The following ATF6B variants were observed in gnomAD, a reference collection of about 807,000 sequenced individuals.
The protein encoded by ATF6B is cyclic AMP-dependent transcription factor ATF-6 beta.
A neutral mutation model predicts 83.5 loss-of-function variants in ATF6B; 50 were observed. The ratio of observed to expected loss-of-function variants is 0.60; its 90% CI spans 0.48 to 0.76. The LOEUF (loss-of-function observed/expected upper bound fraction) is 0.76. Among genes scored for constraint, ATF6B ranks in the 30% least tolerant of loss-of-function variants. The pLI is 0.00. For missense variants in ATF6B, 790 were observed against 893.8 expected, an observed-to-expected ratio of 0.88 and a Z score of 1.48; for synonymous variants, 344 against 362.8, an observed-to-expected ratio of 0.95 and a Z score of 0.59.
Position 32,117,498 on chromosome 6 carries a change from T to C in ATF6B, c.1532+89A>G. 1 of 1,592,036 alleles carries C rather than the reference T, an allele frequency of 6.3e-7. No homozygotes were observed. The highest frequency in any genetic ancestry group is 8.6e-7 in the Non-Finnish European group (1 of 1,164,878). Reference sequence around the variant, plus strand: ...GGAGTGAGGAGAGGGCAGGGAGCACTGGCGCTTTAGTACACAGGCCAGCCA... The same window carrying C: ...GGAGTGAGGAGAGGGCAGGGAGCACCGGCGCTTTAGTACACAGGCCAGCCA... On this transcript the variant is annotated intron_variant, in intron 13 of 17. Transcript: ENST00000375203. This position sits in a 1 kb window ranked among gnomAD's most constrained non-coding sequence, Gnocchi z 5.0.
Position 32,119,999 on chromosome 6 carries a change from G to A in ATF6B, c.833-42C>T, listed in dbSNP as rs1781691909. On this transcript the variant is annotated intron_variant, in intron 8 of 17. Coordinates refer to ENST00000375203, the MANE Select transcript of ATF6B (RefSeq NM_004381.5). This position sits in a 1 kb window ranked among gnomAD's most constrained non-coding sequence, Gnocchi z 4.9. Reference sequence around the variant, plus strand: ...GAGGTCAGAGGGCTGTGCGCTGGGTGGGGTCCTTGTGTCCACACCCACACA... The same window carrying A: ...GAGGTCAGAGGGCTGTGCGCTGGGTAGGGTCCTTGTGTCCACACCCACACA... 6.3e-7 allele frequency: 1 copy of A among 1,590,882 alleles called. No individual in the cohort carries two copies. The highest frequency in any genetic ancestry group is 1.3e-5 in the African/African-American group (1 of 74,574).
At position 32,119,019 on chromosome 6, in the gene ATF6B, G is replaced by C; in HGVS notation, c.1089C>G (p.Asp363Glu). The change falls in exon 10 of 18, where the codon GAC (aspartate) becomes GAG (glutamate). Residue 363 changes from aspartate to glutamate, a missense_variant. Physicochemically the swap from Asp to Glu is conservative, Grantham distance 45. This residue lies in a region of ATF6B where 530 missense variants were observed against 632.6 expected (regional missense o/e 0.84). Transcript: ENST00000375203. The surrounding 1 kb of genome is among the most constrained non-coding windows in gnomAD (Gnocchi z 4.9). ...LEARLQAVLA[D>E]NQQLRRENAA... is the part of the protein sequence containing the mutation. ...CATTCTCTCGGCGGAGCTGCTGGTT[G>C]TCAGCCAGTACTGCTTGCAGCCGAG... 6.2e-7 allele frequency: 1 copy of C among 1,614,152 alleles called. No homozygotes were observed.
intron 5 of ATF6B, among the ~76,000 whole-genome samples, chr6:32,123,164 G>A (rs1476657520): frequency 6.8e-6 from 1 of 147,056 alleles, no homozygotes; most frequent in Non-Finnish European, 1.5e-5. Context: ...GGAAACGGAG[G>A]TTGCAGTGAG....
chr6:32,127,500 G>C lies in ATF6B; in HGVS notation c.192C>G (p.Asp64Glu). 2 of 1,613,494 alleles carry C rather than the reference G, an allele frequency of 1.2e-6. No individual in the cohort carries two copies. Among genetic ancestry groups the C allele is most frequent in the Non-Finnish European group, 1.7e-6 (2 of 1,179,600 alleles). ...CAGAGGGGCTGACATCCATCCCCAC[G>C]TCCAGGGAGCTGCCGTCAAACTAAA... ...QDVPFDGSSL[D>E]VGMDVSPSEP... The change falls in exon 3 of 18, where the codon GAC (aspartate) becomes GAG (glutamate). Residue 64 changes from aspartate (D) to glutamate (E), a missense_variant. This residue lies in a region of ATF6B where 253 missense variants were observed against 243.1 expected (regional missense o/e 1.04). Coordinates refer to ENST00000375203, the MANE Select transcript of ATF6B (RefSeq NM_004381.5).
In ATF6B at chr6:32,115,775, C is replaced by T; in HGVS notation, c.2076G>A (p.Gln692=). Residue 692 remains glutamine, a synonymous_variant, in exon 18 of 18, where the codon CAG becomes CAA. Coordinates refer to ENST00000375203, the MANE Select transcript of ATF6B (RefSeq NM_004381.5). ...TGAGGTAGAGGGGCTGGTGGGAGGCCTGGTGGGCCTGGCTGGCTGCAGAGA... is the reference window on the plus strand; with the variant it reads ...TGAGGTAGAGGGGCTGGTGGGAGGCTTGGTGGGCCTGGCTGGCTGCAGAGA... ...LPVSAASQAH[Q]ASHQPLYLNH... is the part of the protein sequence containing the mutation. The T allele has an allele frequency of 6.2e-7, 1 of 1,610,948 alleles. No individual in the cohort carries two copies. Among genetic ancestry groups the T allele is most frequent in the Non-Finnish European group, 8.5e-7 (1 of 1,178,394 alleles).
chr6:32,121,395 G>A lies in ATF6B; in HGVS notation c.479-47C>T, dbSNP rs753773627. 6 of 1,557,784 alleles carry A rather than the reference G, an allele frequency of 3.9e-6. No individual in the cohort carries two copies. In the South Asian group the frequency reaches 5.6e-5, roughly 15 times the overall value. On this transcript the variant is annotated intron_variant, in intron 5 of 17. Coordinates refer to ENST00000375203, the MANE Select transcript of ATF6B (RefSeq NM_004381.5). ...AAAAGCTGGATATCATGTAAACACT[G>A]AAGGGTTAAGAGGGTTAAGATGGGA...
At position 32,119,185 on chromosome 6, in the gene ATF6B, AGAAG is replaced by A. The variant is rs1781656488; in HGVS notation, c.967-48_967-45del. 5.1e-6 allele frequency: 8 copies of A among 1,565,976 alleles called. No homozygotes were observed. The highest frequency in any genetic ancestry group is 2.0e-5 in the Admixed American group (1 of 50,892). Reference sequence around the variant, plus strand: ...AAAAAAGAATGACAGATGAGTTGGCAGAAGGAGACTATGCTCTCAAACCCCAAGG... The same window carrying A: ...AAAAAAGAATGACAGATGAGTTGGCAGAGACTATGCTCTCAAACCCCAAGG... On this transcript the variant is annotated intron_variant, in intron 9 of 17. Transcript: ENST00000375203. The surrounding 1 kb of genome is among the most constrained non-coding windows in gnomAD (Gnocchi z 4.9).
Position 32,117,562 on chromosome 6 carries a change from G to C in ATF6B, c.1532+25C>G, listed in dbSNP as rs756559160. 21 of 1,611,104 alleles carry C rather than the reference G, an allele frequency of 1.3e-5. No individual in the cohort carries two copies. Among genetic ancestry groups the C allele is most frequent in the Non-Finnish European group, 1.8e-5 (21 of 1,177,946 alleles). On this transcript the variant is annotated intron_variant, in intron 13 of 17. Coordinates refer to ENST00000375203, the MANE Select transcript of ATF6B (RefSeq NM_004381.5). The surrounding 1 kb of genome is among the most constrained non-coding windows in gnomAD (Gnocchi z 5.0). ...AGGCCTTGGGAGGCCGGGGGAGCTG[G>C]ATGCCCCAGCAATGAATCCCACACC...
Position 32,119,049 on chromosome 6 carries a change from C to G in ATF6B, c.1059G>C (p.Leu353=), listed in dbSNP as rs1781648023. ...CCAGTACTGCTTGCAGCCGAGCCTC[C>G]AGTCCCTGCAGATACTCTTTCTTCT... is the stretch of plus-strand genomic sequence containing the variant. ...RRKKKEYLQG[L]EARLQAVLAD... The change falls in exon 10 of 18, where the codon CTG becomes CTC. Residue 353 remains leucine, a synonymous_variant. Coordinates refer to ENST00000375203, the MANE Select transcript of ATF6B (RefSeq NM_004381.5). This position sits in a 1 kb window ranked among gnomAD's most constrained non-coding sequence, Gnocchi z 4.9. 2 of 1,614,094 alleles carry G rather than the reference C, an allele frequency of 1.2e-6. No individual in the cohort carries two copies.
intron 5 of ATF6B, 68 bp downstream of exon 5, chr6:32,126,041 CTACACACA>C (rs1781958973): frequency 6.4e-7 from 1 of 1,566,588 alleles, no homozygotes; most frequent in Admixed American, 1.7e-5. Context: ...TCCCCTCCAT[CTACACACA>C]TACACACACA....
rs776625817 is a variant in ATF6B at position 32,119,924 on chromosome 6, C to T, written c.866G>A (p.Arg289Gln). Reference protein sequence around the residue: ...SPVVLIQGAIRVQPEGPAPSL... With the variant: ...SPVVLIQGAIQVQPEGPAPSL... ...GGGAGCCGGCCCTTCAGGCTGGACT[C>T]GAATAGCACCCTGGATGAGGACAAC... The change falls in exon 9 of 18, where the codon CGA becomes CAA. Residue 289 changes from arginine (R) to glutamine (Q), a missense_variant. By Grantham distance (43) the Arg-to-Gln change is conservative. Coordinates refer to ENST00000375203, the MANE Select transcript of ATF6B (RefSeq NM_004381.5). The surrounding 1 kb of genome is among the most constrained non-coding windows in gnomAD (Gnocchi z 4.9). 1.9e-5 allele frequency: 30 copies of T among 1,613,974 alleles called. No individual in the cohort carries two copies. The highest frequency in any genetic ancestry group is 2.3e-5 in the Non-Finnish European group (27 of 1,180,018).
At chr6:32,127,922 AC>A (rs2127350006) in intron 1 of ATF6B, among the ~76,000 whole-genome samples, 172 bp from the exon 2 acceptor site, 1 of 151,684 alleles carries the variant, frequency 6.6e-6, no homozygotes, top group South Asian at 2.1e-4. Context: ...CCCCGGAACA[AC>A]TCGACGTTCC....
rs1781689365 is a variant in ATF6B at position 32,119,953 on chromosome 6, G to A, written c.837C>T (p.Ser279=). ...TAGCACCCTGGATGAGGACAACTGG[G>A]GACACTGGGGCAAGTGAGCAGAGGT... ...LQSLVQPPPV[S]PVVLIQGAIR... Residue 279 remains serine, a synonymous_variant, in exon 9 of 18, where the codon TCC becomes TCT. Coordinates refer to ENST00000375203, the MANE Select transcript of ATF6B (RefSeq NM_004381.5). The surrounding 1 kb of genome is among the most constrained non-coding windows in gnomAD (Gnocchi z 4.9). 1.2e-6 allele frequency: 2 copies of A among 1,613,986 alleles called. No homozygotes were observed. Among genetic ancestry groups the A allele is most frequent in the Non-Finnish European group, 1.7e-6 (2 of 1,179,902 alleles).
rs141187406 is a variant in ATF6B, at chr6:32,117,357, C to T, written c.1580G>A (p.Arg527Gln). 29 of 1,613,974 alleles carry T rather than the reference C, an allele frequency of 1.8e-5. No individual in the cohort carries two copies. The highest frequency in any genetic ancestry group is 1.3e-4 in the African/African-American group (10 of 74,912). ...SGWVQRHQRG[R>Q]RKIPQRAQER... The stretch of plus-strand genomic sequence containing the variant: ...CTGGGCCCTCTGAGGGATCTTCCTC[C>T]GGCCTCTCTGGTGGCGCTGGACCCA... Residue 527 changes from arginine (R) to glutamine (Q), a missense_variant, in exon 14 of 18, where the codon CGG (arginine) becomes CAG (glutamine). This residue lies in a region of ATF6B where 530 missense variants were observed against 632.6 expected (regional missense o/e 0.84). Coordinates refer to ENST00000375203, the MANE Select transcript of ATF6B (RefSeq NM_004381.5). This position sits in a 1 kb window ranked among gnomAD's most constrained non-coding sequence, Gnocchi z 5.0.
rs1292454362 is a variant in ATF6B at position 32,118,834 on chromosome 6, C to A, written c.1185G>T (p.Arg395Ser). ...GGAAGACCATGATGCAGACCACCTT[C>A]CTGTTTCCAGACCCTAACTTGAGCT... is the stretch of plus-strand genomic sequence containing the variant. ...NSELKLGSGN[R>S]KVVCIMVFLL... Residue 395 changes from arginine to serine, a missense_variant, in exon 11 of 18, where the codon AGG becomes AGT. Physicochemically the swap from Arg to Ser is moderately radical, Grantham distance 110. Transcript: ENST00000375203. This position sits in a 1 kb window ranked among gnomAD's most constrained non-coding sequence, Gnocchi z 5.2. 1 of 1,614,128 alleles carries A rather than the reference C, an allele frequency of 6.2e-7. No individual in the cohort carries two copies. Among genetic ancestry groups the A allele is most frequent in the Non-Finnish European group, 8.5e-7 (1 of 1,180,060 alleles).
At chr6:32,124,842 C>T (rs926247664) in intron 5 of ATF6B, among the ~76,000 whole-genome samples, 10 of 152,040 alleles carry the variant, frequency 6.6e-5, no homozygotes, top group Admixed American at 2.6e-4. Flanking sequence ...TCATGGTACC[C>T]TCTAGTGATT....
intron 5 of ATF6B, among the ~76,000 whole-genome samples, chr6:32,124,999 T>G (rs541072423): frequency 6.6e-6 from 1 of 152,094 alleles, no homozygotes; most frequent in South Asian, 2.1e-4. Context: ...AGGCTAATTT[T>G]TTGTATTTTT....
In ATF6B at chr6:32,117,550, C is replaced by A; in HGVS notation, c.1532+37G>T. The stretch of plus-strand genomic sequence containing the variant: ...GCTGACTGCAGAAGGCCTTGGGAGG[C>A]CGGGGGAGCTGGATGCCCCAGCAAT... On this transcript the variant is annotated intron_variant, in intron 13 of 17. Transcript: ENST00000375203. This position sits in a 1 kb window ranked among gnomAD's most constrained non-coding sequence, Gnocchi z 5.0. The A allele has an allele frequency of 6.2e-7, 1 of 1,607,046 alleles. No individual in the cohort carries two copies. Among genetic ancestry groups the A allele is most frequent in the East Asian group, 2.2e-5 (1 of 44,632 alleles).
Position 32,116,924 on chromosome 6 carries a change from G to A in ATF6B, c.1686-109C>T. 2.6e-6 allele frequency: 4 copies of A among 1,517,252 alleles called. No homozygotes were observed. The highest frequency in any genetic ancestry group is 2.3e-5 in the East Asian group (1 of 44,126). 94.0% of individuals were successfully genotyped at this position (1,517,252 alleles called of 1,614,324 possible). ...AAGACAGGAGACCCCCAGTGGAGGAGGGAGGTATAATCCCACTGGTGACAG... is the reference window on the plus strand; with the variant it reads ...AAGACAGGAGACCCCCAGTGGAGGAAGGAGGTATAATCCCACTGGTGACAG... On this transcript the variant is annotated intron_variant, in intron 15 of 17. Transcript: ENST00000375203. The surrounding 1 kb of genome is among the most constrained non-coding windows in gnomAD (Gnocchi z 5.1).
Sources: gnomAD v4.1 joint callset for allele counts (sites outside exome capture counted in the v4.1 genomes callset) on GRCh38, gnomAD v4.1.1 for gene constraint, gnomAD v4.1.1 regional missense constraint, Gnocchi (gnomAD v3.1) non-coding constraint, MANE v1.5 for transcripts, NCBI Gene and HGNC (gene_info 2026-07-23, HGNC 2026-07-21) for gene names.